The following NTM variants were observed in gnomAD, a reference collection of about 807,000 sequenced individuals.
The protein encoded by NTM is neurotrimin, also known as IgLON family member 2.
A neutral mutation model predicts 42.1 loss-of-function variants in NTM; 13 were observed. That is an observed-to-expected ratio of 0.31 (90% CI 0.20 to 0.49). The LOEUF (loss-of-function observed/expected upper bound fraction) is 0.49. Ranked by LOEUF, NTM falls within the 20% of genes least tolerant of loss-of-function variation. The probability of loss-of-function intolerance (pLI) is 0.99; values close to 1 mark genes in which losing one functional copy is unlikely to be tolerated. For synonymous variants in NTM, 187 were observed against 179.2 expected, an observed-to-expected ratio of 1.04 and a Z score of -0.35; for missense variants, 373 against 452.8, an observed-to-expected ratio of 0.82 and a Z score of 1.60.
At chr11:132,245,200 T>C (rs941867054) in intron 4 of NTM, among the ~76,000 whole-genome samples, 9 of 152,040 alleles carry the variant, frequency 5.9e-5, no homozygotes, top group Non-Finnish European at 1.0e-4. Flanking sequence ...AGCTGCACCG[T>C]GTGAAGTCTG....
intron 2 of NTM, among the ~76,000 whole-genome samples, chr11:132,096,669 C>A (rs1381166737): frequency 6.6e-6 from 1 of 152,222 alleles, no homozygotes; most frequent in Non-Finnish European, 1.5e-5. Context: ...CAATCAGGCT[C>A]CGCTCGGCCA....
chr11:132,215,641 G>T (rs950751851), intron 4 of NTM, among the ~76,000 whole-genome samples: 7 of 152,136 alleles, frequency 4.6e-5, no homozygotes, highest in Non-Finnish European at 1.0e-4. Context: ...GGACCTCCAA[G>T]GCCACCTCTT....
At chr11:131,493,993 A>G (rs577186845) in intron 1 of NTM, among the ~76,000 whole-genome samples, 1 of 152,232 alleles carries the variant, frequency 6.6e-6, no homozygotes, top group African/African-American at 2.4e-5. Flanking sequence ...ACTGCTAAAT[A>G]TCTGTCATTC....
intron 4 of NTM, among the ~76,000 whole-genome samples, chr11:132,215,474 A>C (rs2083652670): frequency 6.6e-6 from 1 of 152,134 alleles, no homozygotes; most frequent in African/African-American, 2.4e-5. Flanking sequence ...GAGTACAGAA[A>C]TGTTAAGGAC....
chr11:131,482,845 G>T (rs1591796208), intron 1 of NTM, among the ~76,000 whole-genome samples: 1 of 152,284 alleles, frequency 6.6e-6, no homozygotes, highest in Non-Finnish European at 1.5e-5. Flanking sequence ...AAAAGAGAAT[G>T]AGAAAGTAAA....
At chr11:132,243,436 C>T (rs1015572257) in intron 4 of NTM, among the ~76,000 whole-genome samples, 5 of 152,136 alleles carry the variant, frequency 3.3e-5, no homozygotes, top group African/African-American at 1.2e-4. Context: ...CCAGTGGAGC[C>T]GTTCCTACTC....
chr11:131,947,393 A>C (rs2060462298), intron 2 of NTM, among the ~76,000 whole-genome samples: 1 of 151,666 alleles, frequency 6.6e-6, no homozygotes, highest in Admixed American at 6.6e-5. Flanking sequence ...GGAGTCATCT[A>C]CTCTAATTGT....
rs369774639 is a variant in NTM, at chr11:131,838,164, CGGTT to C, written c.83-73399_83-73396del. ...TCAGGTAAAAACCGGAAGGACGACT[CGGTT>C]CCAGCATCACGGATGCAGGGGGCGG... is the stretch of plus-strand genomic sequence containing the variant. On this transcript the variant is annotated intron_variant, in intron 1 of 8. Transcript: ENST00000683400. Among the ~76,000 whole-genome samples, 134 of 152,212 alleles carry C rather than the reference CGGTT, an allele frequency of 8.8e-4. 2 individuals are homozygous for C. The highest frequency in any genetic ancestry group is 3.1e-3 in the African/African-American group (127 of 41,538).
chr11:131,415,598 T>C (rs1946862068), intron 1 of NTM, among the ~76,000 whole-genome samples: 1 of 152,128 alleles, frequency 6.6e-6, no homozygotes, highest in Non-Finnish European at 1.5e-5. Flanking sequence ...CAGGACTCCT[T>C]CTCCTAAACC....
At chr11:131,480,447 G>A (rs77525205) in intron 1 of NTM, among the ~76,000 whole-genome samples, 1,586 of 152,206 alleles carry the variant, frequency 0.01, 42 homozygotes, top group African/African-American at 0.035. Context: ...CCTCCACCTT[G>A]ACTTCCTCCC....
intron 2 of NTM, among the ~76,000 whole-genome samples, chr11:131,940,384 G>C (rs566461531): frequency 1.9e-4 from 29 of 152,334 alleles, no homozygotes; most frequent in African/African-American, 6.7e-4. Context: ...GATAAAACAA[G>C]ACGTTAGTGG....
At chr11:131,759,597 GA>G (rs1341617452) in intron 1 of NTM, among the ~76,000 whole-genome samples, 1 of 151,302 alleles carries the variant, frequency 6.6e-6, no homozygotes, top group African/African-American at 2.4e-5. Flanking sequence ...ACAACCACAT[GA>G]AACACACTTG....
rs2080767362 is a variant in NTM at position 131,738,422 on chromosome 11, C to A, written c.83-173142C>A. Among the ~76,000 whole-genome samples, 4 of 152,340 alleles carry A rather than the reference C, an allele frequency of 2.6e-5. No individual in the cohort carries two copies. In the South Asian group the frequency reaches 8.3e-4, roughly 32 times the overall value. ...CATTACCTTTGTGCCCAGCAGAAAT[C>A]TGTGTTCACCTGCTAAAAATGGTCA... is the stretch of plus-strand genomic sequence containing the variant. On this transcript the variant is annotated intron_variant, in intron 1 of 8. Transcript: ENST00000683400.
intron 1 of NTM, among the ~76,000 whole-genome samples, chr11:131,514,622 C>T (rs1307423253): frequency 1.3e-5 from 2 of 152,010 alleles, no homozygotes. Context: ...CTCTTTCTCC[C>T]AGGCTGGAGT....
At chr11:131,697,832 A>C (rs966774632) in intron 1 of NTM, among the ~76,000 whole-genome samples, 1 of 152,188 alleles carries the variant, frequency 6.6e-6, no homozygotes, top group African/African-American at 2.4e-5. Context: ...CCTCATGATC[A>C]GTTGTTTTCT....
chr11:131,523,198 GAT>G (rs1478049466), intron 1 of NTM, among the ~76,000 whole-genome samples: 24 of 152,192 alleles, frequency 1.6e-4, no homozygotes, highest in African/African-American at 5.8e-4. Flanking sequence ...GTTCTAGAAA[GAT>G]ATTTGTTGAA....
At chr11:131,377,875 T>G (rs1228496764) in intron 1 of NTM, among the ~76,000 whole-genome samples, 1 of 152,212 alleles carries the variant, frequency 6.6e-6, no homozygotes, top group Admixed American at 6.5e-5. Flanking sequence ...GGTTTTCTCA[T>G]GAACAAGAAC....
At chr11:132,220,526 A>G (rs2084931045) in intron 4 of NTM, among the ~76,000 whole-genome samples, 1 of 152,236 alleles carries the variant, frequency 6.6e-6, no homozygotes, top group Admixed American at 6.5e-5. Flanking sequence ...GGGGAAATTA[A>G]TGAGTTCAAT....
chr11:131,563,978 A>G (rs930960437), intron 1 of NTM, among the ~76,000 whole-genome samples: 4 of 152,050 alleles, frequency 2.6e-5, no homozygotes, highest in African/African-American at 9.7e-5. Flanking sequence ...TGCTCCCCAG[A>G]CCTTGTCCTG....
Sources: gnomAD v4.1 joint callset for allele counts (sites outside exome capture counted in the v4.1 genomes callset) on GRCh38, gnomAD v4.1.1 for gene constraint, MANE v1.5 for transcripts, NCBI Gene and HGNC (gene_info 2026-07-23, HGNC 2026-07-21) for gene names.